LONRF1: variants seen among roughly 807,000 people sequenced by gnomAD.
The protein encoded by LONRF1 is LON peptidase N-terminal domain and ring finger 1, also known as LON peptidase N-terminal domain and RING finger protein 1.
LONRF1 carries 37 observed loss-of-function variants against 85.8 expected under a neutral mutation model. That is an observed-to-expected ratio of 0.43 (90% CI 0.33 to 0.57). LONRF1 has a LOEUF of 0.57. Among genes scored for constraint, LONRF1 ranks in the 20% least tolerant of loss-of-function variants. The pLI, the probability that LONRF1 is intolerant of heterozygous loss-of-function variation, is 0.04. For synonymous variants in LONRF1, 517 were observed against 390.1 expected (o/e 1.33, Z -3.83); for missense variants, 1,036 against 978.0 (o/e 1.06, Z -0.79).
Position 12,754,891 on chromosome 8 carries a change from G to A in LONRF1, c.530C>T (p.Pro177Leu), listed in dbSNP as rs1475331752. The A allele has an allele frequency of 9.4e-6, 14 of 1,492,784 alleles. No individual in the cohort carries two copies. In the Admixed American group the frequency reaches 2.9e-4, roughly 31 times the overall value. 92.5% of individuals were successfully genotyped at this position (1,492,784 alleles called of 1,614,324 possible). A position where few individuals can be genotyped will look rare whatever the true frequency, so the allele number is the denominator to read the frequency against. The change falls in exon 1 of 12, where the codon CCG becomes CTG. Residue 177 changes from proline to leucine, a missense_variant. Around this residue, in one of 3 missense-constraint regions of LONRF1, gnomAD observed 742 missense variants for 614.4 expected, o/e 1.21. Coordinates refer to ENST00000398246, the MANE Select transcript of LONRF1 (RefSeq NM_152271.5). Reference protein sequence around the residue: ...ASATDAEGTAPRPPPLAAAIA... With the variant: ...ASATDAEGTALRPPPLAAAIA... ...GGCGGCGGCCAGAGGCGGCGGCCGCGGGGCGGTCCCTTCAGCATCAGTGGC... is the reference window on the plus strand; with the variant it reads ...GGCGGCGGCCAGAGGCGGCGGCCGCAGGGCGGTCCCTTCAGCATCAGTGGC...
chr8:12,743,092 A>G (rs2117306992), intron 2 of LONRF1, 72 bp downstream of exon 2: 1 of 952,226 alleles, frequency 1.1e-6, no homozygotes, highest in East Asian at 2.4e-5. Flanking sequence ...TAAAATTCCT[A>G]ACTGTGAATG....
intron 1 of LONRF1, among the ~76,000 whole-genome samples, chr8:12,746,469 C>G (rs901754147): frequency 6.6e-6 from 1 of 152,212 alleles, no homozygotes; most frequent in African/African-American, 2.4e-5. Context: ...TCCAGCAAGA[C>G]AGCTCACCAG....
chr8:12,728,176 C>T (rs528672443), intron 10 of LONRF1, among the ~76,000 whole-genome samples: 3 of 152,100 alleles, frequency 2.0e-5, no homozygotes, highest in Non-Finnish European at 4.4e-5. Flanking sequence ...AAATTGCCTT[C>T]AATTTGGTAT....
intron 3 of LONRF1, among the ~76,000 whole-genome samples, chr8:12,740,628 G>A (rs1798894906): frequency 6.6e-6 from 1 of 152,116 alleles, no homozygotes; most frequent in South Asian, 2.1e-4. Flanking sequence ...GGCTCAGATT[G>A]AACAAACTAT....
intron 10 of LONRF1, chr8:12,726,093 G>T: frequency 2.3e-6 from 1 of 430,068 alleles, no homozygotes. Context: ...CCTGACCTAT[G>T]CCTAACCTTG....
At chr8:12,744,003 T>C (rs1799044760) in intron 1 of LONRF1, among the ~76,000 whole-genome samples, 1 of 152,208 alleles carries the variant, frequency 6.6e-6, no homozygotes, top group South Asian at 2.1e-4. Context: ...GCTGGTTCAC[T>C]GATATTACTG....
chr8:12,736,735 C>T lies in LONRF1; in HGVS notation c.1417G>A (p.Asp473Asn), dbSNP rs759053128. The change falls in exon 6 of 12, where the codon GAT (aspartate) becomes AAT (asparagine). Residue 473 changes from aspartate (D) to asparagine (N), a missense_variant. This residue lies in a region of LONRF1 where 29 missense variants were observed against 62.1 expected (regional missense o/e 0.47). Coordinates refer to ENST00000398246, the MANE Select transcript of LONRF1 (RefSeq NM_152271.5). ...AYGDIPEELIDVSDFECSLCM... is the reference protein window; with the variant it reads ...AYGDIPEELINVSDFECSLCM... ...AGAGAACACTCGAAATCTGAGACAT[C>T]GATTAATTCTTCTGGAATATCACCA... 11 of 1,611,208 alleles carry T rather than the reference C, an allele frequency of 6.8e-6. No homozygotes were observed. The highest frequency in any genetic ancestry group is 2.7e-5 in the African/African-American group (2 of 74,754).
At position 12,731,811 on chromosome 8, in the gene LONRF1, A is replaced by G; in HGVS notation, c.1613T>C (p.Leu538Ser). 6.2e-7 allele frequency: 1 copy of G among 1,612,650 alleles called. No homozygotes were observed. The highest frequency in any genetic ancestry group is 8.5e-7 in the Non-Finnish European group (1 of 1,178,838). Residue 538 changes from leucine to serine, a missense_variant, in exon 8 of 12, where the codon TTA (leucine) becomes TCA (serine). Transcript: ENST00000398246. ...TTCATCAGGCAGATACTTCACTATT[A>G]ATTCTTCCAACAGCTGTGTGACACA... Reference protein sequence around the residue: ...RYCVTQLLEELIVKYLPDELS... With the variant: ...RYCVTQLLEESIVKYLPDELS...
At chr8:12,727,409 A>AT (rs1162544131) in intron 10 of LONRF1, 1 of 151,620 alleles carries the variant, frequency 6.6e-6, no homozygotes, top group Non-Finnish European at 1.5e-5. Context: ...GAAGAGGAAA[A>AT]TTTGCCATAT....
In LONRF1 at chr8:12,722,907, A is replaced by C. The variant is rs1007137435; in HGVS notation, c.*189T>G. 5 of 540,266 alleles carry C rather than the reference A, an allele frequency of 9.3e-6. No individual in the cohort carries two copies. The highest frequency in any genetic ancestry group is 1.6e-5 in the Non-Finnish European group (5 of 307,648). The allele number at this position is 540,266 out of a possible 1,614,324, so 33.5% of individuals were successfully genotyped here. On this transcript the variant is annotated 3_prime_UTR_variant, in exon 12 of 12. Transcript: ENST00000398246. ...ACATTCAATGCGTGTTTTTCTGTGC[A>C]AGTTCTTAGTGGTCTAAATCCTAGT...
At chr8:12,733,734 A>C (rs1798616274) in intron 7 of LONRF1, among the ~76,000 whole-genome samples, 1 of 152,204 alleles carries the variant, frequency 6.6e-6, no homozygotes, top group South Asian at 2.1e-4. Context: ...TCACTGGACT[A>C]TTATGCTGCT....
intron 1 of LONRF1, among the ~76,000 whole-genome samples, chr8:12,751,297 T>TTTTTTTTTGTTTG (rs1423358794): frequency 2.0e-5 from 1 of 51,172 alleles, no homozygotes; most frequent in Non-Finnish European, 4.6e-5. Flanking sequence ...TATTTTTATG[T>TTTTTTTTTGTTTG]TTTTTTTTTT....
chr8:12,743,385 G>C (rs1428342856), intron 1 of LONRF1, 103 bp from the exon 2 acceptor site: 3 of 760,486 alleles, frequency 3.9e-6, no homozygotes, highest in Non-Finnish European at 6.4e-6. Context: ...GTGATTCCAG[G>C]GTTAATAATC....
chr8:12,736,297 T>C (rs1030195125), intron 6 of LONRF1, among the ~76,000 whole-genome samples: 2 of 152,202 alleles, frequency 1.3e-5, no homozygotes, highest in Non-Finnish European at 2.9e-5. Context: ...ATGGTTAATA[T>C]ACATTAATAA....
chr8:12,754,563 A>C, intron 1 of LONRF1, 137 bp downstream of exon 1: 3 of 976,748 alleles, frequency 3.1e-6, no homozygotes, highest in Non-Finnish European at 3.9e-6. Flanking sequence ...CAGCACCCCG[A>C]GACCCGACAC....
chr8:12,723,297 T>C (rs745871934), intron 11 of LONRF1, 43 bp from the exon 12 acceptor site: 2 of 1,554,038 alleles, frequency 1.3e-6, no homozygotes, highest in Non-Finnish European at 1.7e-6. Flanking sequence ...AAACAAGGAT[T>C]TATGTAACAA....
rs1799593243 is a variant in LONRF1 at position 12,755,207 on chromosome 8, C to A, written c.214G>T (p.Ala72Ser). 7.8e-7 allele frequency: 1 copy of A among 1,279,258 alleles called. No individual in the cohort carries two copies. The allele number at this position is 1,279,258 out of a possible 1,614,324, so 79.2% of individuals were successfully genotyped here. A position where few individuals can be genotyped will look rare whatever the true frequency, so the allele number is the denominator to read the frequency against. ...GHLKGALEAF[A>S]AALRRGAPAR... ...GGGGCCCCGCGGCGCAGCGCCGCCG[C>A]GAACGCCTCCAGCGCGCCCTTCAGG... Residue 72 changes from alanine to serine, a missense_variant, in exon 1 of 12, where the codon GCG (alanine) becomes TCG (serine). This residue lies in a region of LONRF1 where 742 missense variants were observed against 614.4 expected (regional missense o/e 1.21). Coordinates refer to ENST00000398246, the MANE Select transcript of LONRF1 (RefSeq NM_152271.5).
At chr8:12,740,779 C>G in intron 3 of LONRF1, 95 bp downstream of exon 3, 1 of 1,450,148 alleles carries the variant, frequency 6.9e-7, no homozygotes, top group Non-Finnish European at 9.3e-7. Flanking sequence ...TTATTTACTA[C>G]TTATGTTCTT....
chr8:12,754,848 G>C lies in LONRF1; in HGVS notation c.573C>G (p.Phe191Leu), dbSNP rs957297410. Residue 191 changes from phenylalanine to leucine, a missense_variant, in exon 1 of 12, where the codon TTC (phenylalanine) becomes TTG (leucine). This residue lies in a region of LONRF1 where 742 missense variants were observed against 614.4 expected (regional missense o/e 1.21). Transcript: ENST00000398246. ...PLAAAIAASDFRTSVVLNHLA... is the reference protein window; with the variant it reads ...PLAAAIAASDLRTSVVLNHLA... ...GGTGGTTGAGGACGACGCTGGTTCTGAAGTCTGAAGCGGCGATGGCGGCGG... is the reference window on the plus strand; with the variant it reads ...GGTGGTTGAGGACGACGCTGGTTCTCAAGTCTGAAGCGGCGATGGCGGCGG... 1.3e-6 allele frequency: 2 copies of C among 1,493,336 alleles called. No individual in the cohort carries two copies. The highest frequency in any genetic ancestry group is 2.2e-5 in the Admixed American group (1 of 45,122). 92.5% of individuals were successfully genotyped at this position (1,493,336 alleles called of 1,614,324 possible).
Sources: allele counts gnomAD v4.1 joint callset (sites outside exome capture counted in the v4.1 genomes callset), GRCh38; gene constraint gnomAD v4.1.1; regional missense constraint gnomAD v4.1.1; transcripts MANE v1.5; gene names NCBI Gene and HGNC (gene_info 2026-07-23, HGNC 2026-07-21).